Variants in CNTN1 observed in about 807,000 individuals in gnomAD.
CNTN1 encodes contactin 1.
A neutral mutation model predicts 126.4 loss-of-function variants in CNTN1; 38 were observed. The observed-to-expected ratio is 0.30, with a 90% CI of 0.23 to 0.39. The LOEUF (loss-of-function observed/expected upper bound fraction) is 0.39. Among genes scored for constraint, CNTN1 ranks in the 10% least tolerant of loss-of-function variants. The pLI, the probability that CNTN1 is intolerant of heterozygous loss-of-function variation, is 1.00. For missense variants in CNTN1, 1,009 were observed against 1,248.4 expected, an observed-to-expected ratio of 0.81 and a Z score of 2.89; for synonymous variants, 413 against 422.6, an observed-to-expected ratio of 0.98 and a Z score of 0.28.
chr12:41,066,750 G>A (rs1240895925), intron 23 of CNTN1, among the ~76,000 whole-genome samples: 1 of 152,094 alleles, frequency 6.6e-6, no homozygotes, highest in Non-Finnish European at 1.5e-5. Context: ...CTGCAGTACT[G>A]CTCAACTTTT....
At chr12:40,731,603 A>C (rs888092290) in intron 1 of CNTN1, among the ~76,000 whole-genome samples, 4 of 151,972 alleles carry the variant, frequency 2.6e-5, no homozygotes, top group Non-Finnish European at 5.9e-5. Flanking sequence ...ATACATAAAG[A>C]TTGATGTGAC....
At chr12:40,833,609 T>C (rs770441779) in intron 1 of CNTN1, among the ~76,000 whole-genome samples, 11 of 152,204 alleles carry the variant, frequency 7.2e-5, no homozygotes, top group South Asian at 2.1e-4. Flanking sequence ...TAAACTGTTA[T>C]CTTATTTTGA....
chr12:41,046,599 T>C (rs920231736), intron 23 of CNTN1, among the ~76,000 whole-genome samples: 1 of 152,074 alleles, frequency 6.6e-6, no homozygotes, highest in Non-Finnish European at 1.5e-5. Flanking sequence ...AATAAGAGCA[T>C]TATTCTCAGT....
At chr12:40,781,484 G>C (rs1592080454) in intron 1 of CNTN1, among the ~76,000 whole-genome samples, 1 of 151,878 alleles carries the variant, frequency 6.6e-6, no homozygotes. Flanking sequence ...TTTCCTAAGG[G>C]TTCCATGGGA....
At chr12:40,875,918 T>C (rs1430419290) in intron 1 of CNTN1, among the ~76,000 whole-genome samples, 3 of 152,100 alleles carry the variant, frequency 2.0e-5, no homozygotes, top group African/African-American at 7.2e-5. Flanking sequence ...TCCTGACTTA[T>C]TCTTGTCTTT....
Position 40,908,560 on chromosome 12 carries a change from ATGTAT to A in CNTN1, c.61+73_61+77del, listed in dbSNP as rs541443892. 4.3e-4 allele frequency: 503 copies of A among 1,159,582 alleles called. 6 individuals carry two copies. In the South Asian group the frequency reaches 5.5e-3, roughly 13 times the overall value. The allele number at this position is 1,159,582 out of a possible 1,614,324, so 71.8% of individuals were successfully genotyped here. A position where few individuals can be genotyped will look rare whatever the true frequency, so the allele number is the denominator to read the frequency against. ...CATAATTGATATGCGTGTTTATTAA[ATGTAT>A]TGTATGAAGTAAAAATTCTTATTTT... On this transcript the variant is annotated intron_variant, in intron 2 of 23. Coordinates refer to ENST00000551295, the MANE Select transcript of CNTN1 (RefSeq NM_001843.4).
chr12:40,843,111 A>G (rs934584966), intron 1 of CNTN1, among the ~76,000 whole-genome samples: 5 of 152,078 alleles, frequency 3.3e-5, no homozygotes, highest in Non-Finnish European at 7.4e-5. Flanking sequence ...ATGAAAACTA[A>G]CTCCTTTATG....
intron 1 of CNTN1, among the ~76,000 whole-genome samples, chr12:40,714,875 GAA>G (rs1426256640): frequency 6.6e-6 from 1 of 152,016 alleles, no homozygotes; most frequent in East Asian, 1.9e-4. Context: ...AAAATAGACT[GAA>G]AGTCTTTTGT....
intron 1 of CNTN1, among the ~76,000 whole-genome samples, chr12:40,782,446 G>A (rs1691236550): frequency 6.6e-6 from 1 of 151,850 alleles, no homozygotes; most frequent in Non-Finnish European, 1.5e-5. Context: ...ATCTTCTATA[G>A]AACAAATTGA....
At position 40,983,219 on chromosome 12, in the gene CNTN1, T is replaced by C. The variant is rs189293685; in HGVS notation, c.1963+2152T>C. The stretch of plus-strand genomic sequence containing the variant: ...CTTTCATTGAATTTGGGTCTTTGAA[T>C]CTAAAGTATGTTTTCTGTTGGCCAC... On this transcript the variant is annotated intron_variant, in intron 16 of 23. Transcript: ENST00000551295. Among the ~76,000 whole-genome samples, 6 of 152,266 alleles carry C rather than the reference T, an allele frequency of 3.9e-5. No homozygotes were observed. In the East Asian group the frequency reaches 9.6e-4, roughly 24 times the overall value.
chr12:40,699,025 G>A (rs1325259772), intron 1 of CNTN1, among the ~76,000 whole-genome samples: 2 of 151,878 alleles, frequency 1.3e-5, no homozygotes, highest in African/African-American at 4.8e-5. Context: ...CTTGGGTCAG[G>A]TGCCACCATT....
intron 1 of CNTN1, among the ~76,000 whole-genome samples, chr12:40,700,138 CCTTT>C (rs1399924269): frequency 1.3e-5 from 2 of 152,042 alleles, no homozygotes; most frequent in African/African-American, 4.8e-5. Context: ...ACCATATTAC[CCTTT>C]CTTTTGTTTG....
At chr12:41,043,691 C>T (rs922348137) in intron 23 of CNTN1, among the ~76,000 whole-genome samples, 3 of 152,072 alleles carry the variant, frequency 2.0e-5, no homozygotes, top group Non-Finnish European at 4.4e-5. Context: ...TATAAAGACA[C>T]ATGCACACGT....
chr12:40,925,667 A>G (rs1024132849), intron 6 of CNTN1, among the ~76,000 whole-genome samples: 4 of 146,328 alleles, frequency 2.7e-5, no homozygotes, highest in African/African-American at 2.5e-5. Context: ...TTGTTTACAT[A>G]TCAAATATTT....
intron 1 of CNTN1, among the ~76,000 whole-genome samples, chr12:40,750,736 C>A (rs1938375918): frequency 6.6e-6 from 1 of 152,022 alleles, no homozygotes; most frequent in African/African-American, 2.4e-5. Context: ...AGAAATGAGA[C>A]AACTCAAGAA....
intron 1 of CNTN1, among the ~76,000 whole-genome samples, chr12:40,827,374 A>G (rs1008739177): frequency 2.0e-5 from 3 of 152,038 alleles, no homozygotes; most frequent in African/African-American, 7.2e-5. Flanking sequence ...TGAAAAATTA[A>G]TTATTTGTAA....
rs184492787 is a variant in CNTN1, at chr12:41,049,689, C to T, written c.2981-20270C>T. ...TATTTTAAAATATGTCAGCTCTTCT[C>T]ATGTCTCTGCACAAAAACCTTTAAT... On this transcript the variant is annotated intron_variant, in intron 23 of 23. Transcript: ENST00000551295. 1.8e-3 allele frequency among the ~76,000 whole-genome samples: 278 copies of T among 152,284 alleles called. 2 individuals are homozygous for T. Among genetic ancestry groups the T allele is most frequent in the Admixed American group, 4.0e-3 (61 of 15,292 alleles).
intron 17 of CNTN1, among the ~76,000 whole-genome samples, chr12:40,997,967 C>A (rs769475539): frequency 2.0e-5 from 3 of 151,826 alleles, no homozygotes; most frequent in Non-Finnish European, 4.4e-5. Context: ...TCACACAACA[C>A]AATGTCCATA....
chr12:40,732,670 A>T (rs1048777742), intron 1 of CNTN1, among the ~76,000 whole-genome samples: 3 of 152,044 alleles, frequency 2.0e-5, no homozygotes, highest in Non-Finnish European at 4.4e-5. Context: ...TAGTGTCTCT[A>T]TTGAGGAAAC....
Sources: gnomAD v4.1 joint callset for allele counts (sites outside exome capture counted in the v4.1 genomes callset) on GRCh38, gnomAD v4.1.1 for gene constraint, MANE v1.5 for transcripts, NCBI Gene and HGNC (gene_info 2026-07-23, HGNC 2026-07-21) for gene names.